The following FHOD3 variants were observed in gnomAD, a reference collection of about 807,000 sequenced individuals.
FHOD3 encodes the protein FH1/FH2 domain-containing protein 3.
Under a neutral mutation model 173.0 loss-of-function variants are expected in FHOD3, and 90 were observed. The ratio of observed to expected loss-of-function variants is 0.52; its 90% CI spans 0.44 to 0.62. FHOD3 has a LOEUF of 0.62. Among genes scored for constraint, FHOD3 ranks in the 20% least tolerant of loss-of-function variants. The pLI, the probability that FHOD3 is intolerant of heterozygous loss-of-function variation, is 0.00. For synonymous variants in FHOD3, 828 were observed against 823.0 expected (o/e 1.01, Z -0.10); for missense variants, 1,945 against 2,034.7 (o/e 0.96, Z 0.85).
At chr18:36,590,350 G>A (rs2059174044) in intron 6 of FHOD3, among the ~76,000 whole-genome samples, 1 of 152,168 alleles carries the variant, frequency 6.6e-6, no homozygotes, top group Non-Finnish European at 1.5e-5. Flanking sequence ...GGGCATCAGA[G>A]TAAGTGATTT....
chr18:36,769,403 G>T lies in FHOD3; in HGVS notation c.4763G>T (p.Arg1588Leu), dbSNP rs754966761. The T allele has an allele frequency of 1.2e-6, 2 of 1,614,154 alleles. No individual in the cohort carries two copies. The highest frequency in any genetic ancestry group is 1.1e-5 in the South Asian group (1 of 91,082). Residue 1588 changes from arginine (R) to leucine (L), a missense_variant, in exon 28 of 29, where the codon CGA (arginine) becomes CTA (leucine). This residue lies in a region of FHOD3 where 354 missense variants were observed against 359.9 expected (regional missense o/e 0.98). Coordinates refer to ENST00000590592, the MANE Select transcript of FHOD3 (RefSeq NM_001281740.3). ...CGAGTGGTGCCGAGGGAGAGGAAAC[G>T]ATCCCGGGCCAACCGGAAATCTTGT... Reference protein sequence around the residue: ...SQRVVPRERKRSRANRKSLRR... With the variant: ...SQRVVPRERKLSRANRKSLRR...
intron 28 of FHOD3, among the ~76,000 whole-genome samples, chr18:36,775,682 T>A (rs2043597484): frequency 6.6e-6 from 1 of 152,188 alleles, no homozygotes; most frequent in Non-Finnish European, 1.5e-5. Context: ...AATGTTTTCA[T>A]TTCTAGGGAG....
chr18:36,375,165 AG>A (rs2047378086), intron 3 of FHOD3, among the ~76,000 whole-genome samples: 3 of 152,246 alleles, frequency 2.0e-5, no homozygotes, highest in Non-Finnish European at 4.4e-5. Context: ...TGGCAGTGTT[AG>A]ATGAGATTTC....
intron 5 of FHOD3, among the ~76,000 whole-genome samples, chr18:36,570,999 A>T (rs1374640368): frequency 1.3e-5 from 2 of 152,176 alleles, no homozygotes; most frequent in African/African-American, 4.8e-5. Flanking sequence ...ATTGAATATT[A>T]TACTGAAAGT....
chr18:36,545,216 A>G (rs952883418), intron 5 of FHOD3, among the ~76,000 whole-genome samples: 22 of 152,230 alleles, frequency 1.4e-4, no homozygotes, highest in African/African-American at 5.3e-4. Flanking sequence ...ACAGTGGTGA[A>G]CAAGACACAC....
intron 3 of FHOD3, among the ~76,000 whole-genome samples, chr18:36,385,269 T>C (rs868545071): frequency 3.3e-5 from 5 of 152,262 alleles, no homozygotes; most frequent in Middle Eastern, 3.2e-3. Context: ...TAAATTTCTA[T>C]TAAAATTTTA....
At chr18:36,653,179 A>G (rs1251354278) in intron 12 of FHOD3, among the ~76,000 whole-genome samples, 163 bp from the exon 13 acceptor site, 1 of 152,230 alleles carries the variant, frequency 6.6e-6, no homozygotes, top group Non-Finnish European at 1.5e-5. Context: ...ATTACTAGTA[A>G]TGGGTTTTTA....
chr18:36,374,759 A>G (rs549051581), intron 3 of FHOD3, among the ~76,000 whole-genome samples: 1 of 152,318 alleles, frequency 6.6e-6, no homozygotes, highest in East Asian at 1.9e-4. Context: ...TCAGAGAACT[A>G]TTTGTGCCTC....
intron 13 of FHOD3, among the ~76,000 whole-genome samples, chr18:36,655,050 C>T (rs910570355): frequency 1.2e-4 from 15 of 129,214 alleles, no homozygotes; most frequent in Non-Finnish European, 1.6e-5. Flanking sequence ...TTTTTTTTTC[C>T]TTCTTTTTTT....
At chr18:36,730,247 T>C (rs1303596977) in intron 19 of FHOD3, among the ~76,000 whole-genome samples, 2 of 152,198 alleles carry the variant, frequency 1.3e-5, no homozygotes, top group African/African-American at 4.8e-5. Context: ...CAGCTCTCTC[T>C]GGGCACGCAC....
At chr18:36,395,748 T>C (rs527665829) in intron 3 of FHOD3, among the ~76,000 whole-genome samples, 98 of 152,328 alleles carry the variant, frequency 6.4e-4, no homozygotes, top group Admixed American at 2.5e-3. Flanking sequence ...TTATGAATTT[T>C]TTTGTTTGAG....
intron 8 of FHOD3, among the ~76,000 whole-genome samples, chr18:36,609,676 C>G (rs1224946534): frequency 3.6e-5 from 5 of 140,646 alleles, no homozygotes; most frequent in Admixed American, 3.1e-4. Context: ...GTGACATGAT[C>G]TTGGCTCACT....
intron 5 of FHOD3, among the ~76,000 whole-genome samples, chr18:36,566,842 A>C (rs2058282045): frequency 6.6e-6 from 1 of 152,190 alleles, no homozygotes; most frequent in Non-Finnish European, 1.5e-5. Flanking sequence ...GCAGATTCCA[A>C]AGTTTTCTGA....
chr18:36,380,320 G>A (rs180789951), intron 3 of FHOD3, among the ~76,000 whole-genome samples: 452 of 152,296 alleles, frequency 3.0e-3, no homozygotes, highest in Non-Finnish European at 5.3e-3. Flanking sequence ...TGTAATCCCA[G>A]TAACTGGATT....
chr18:36,659,030 T>C (rs1423730932), intron 14 of FHOD3, among the ~76,000 whole-genome samples: 1 of 152,222 alleles, frequency 6.6e-6, no homozygotes, highest in Non-Finnish European at 1.5e-5. Context: ...ATCAGGAATC[T>C]AGACATGAGC....
intron 5 of FHOD3, among the ~76,000 whole-genome samples, chr18:36,533,755 T>TCC (rs959373579): frequency 1.3e-5 from 2 of 151,596 alleles, no homozygotes; most frequent in Admixed American, 6.6e-5. Context: ...CATCAGGAGG[T>TCC]AAGAAAACCT....
At chr18:36,354,150 A>G (rs959860224) in intron 1 of FHOD3, among the ~76,000 whole-genome samples, 3 of 152,242 alleles carry the variant, frequency 2.0e-5, no homozygotes, top group Non-Finnish European at 2.9e-5. Context: ...CAGTCACACC[A>G]GAACACTCAG....
At chr18:36,454,508 T>C (rs1568293371) in intron 3 of FHOD3, among the ~76,000 whole-genome samples, 1 of 152,154 alleles carries the variant, frequency 6.6e-6, no homozygotes, top group Non-Finnish European at 1.5e-5. Context: ...TGATTACATT[T>C]CCTTTCTTGT....
chr18:36,575,224 G>A (rs955706076), intron 5 of FHOD3, among the ~76,000 whole-genome samples: 6 of 152,154 alleles, frequency 3.9e-5, no homozygotes, highest in Admixed American at 1.3e-4. Flanking sequence ...ACCTGCCTTG[G>A]CCTCCCAAAG....
Sources: allele counts gnomAD v4.1 joint callset (sites outside exome capture counted in the v4.1 genomes callset), GRCh38; gene constraint gnomAD v4.1.1; regional missense constraint gnomAD v4.1.1; transcripts MANE v1.5; gene names NCBI Gene and HGNC (gene_info 2026-07-23, HGNC 2026-07-21).